TNRC6C: variants seen among roughly 807,000 people sequenced by gnomAD.
TNRC6C encodes trinucleotide repeat containing adaptor 6C.
TNRC6C carries 20 observed loss-of-function variants against 153.7 expected under a neutral mutation model. The ratio of observed to expected loss-of-function variants is 0.13; its 90% confidence interval spans 0.09 to 0.19. The LOEUF (loss-of-function observed/expected upper bound fraction) is 0.19. Among genes scored for constraint, TNRC6C ranks in the 10% least tolerant of loss-of-function variants. The pLI, the probability that TNRC6C is intolerant of heterozygous loss-of-function variation, is 1.00. For missense variants in TNRC6C, 1,987 were observed against 2,172.0 expected (o/e 0.91, Z 1.69); for synonymous variants, 811 against 841.4 (o/e 0.96, Z 0.63).
chr17:78,068,813 C>T (rs2072933182), intron 5 of TNRC6C, among the ~76,000 whole-genome samples: 1 of 152,074 alleles, frequency 6.6e-6, no homozygotes, highest in Non-Finnish European at 1.5e-5. Context: ...AAAAAAGACA[C>T]AAATGTGCGG....
chr17:78,095,747 CA>C (rs1752135887), intron 16 of TNRC6C, among the ~76,000 whole-genome samples: 2 of 152,068 alleles, frequency 1.3e-5, no homozygotes, highest in African/African-American at 2.4e-5. Context: ...AATTGCTAAC[CA>C]GAAAGCACTA....
intron 3 of TNRC6C, among the ~76,000 whole-genome samples, chr17:78,056,588 C>T (rs1344827092): frequency 6.6e-6 from 1 of 152,084 alleles, no homozygotes; most frequent in South Asian, 2.1e-4. Flanking sequence ...CTCAGCCTCC[C>T]GAGTAGCTAG....
Position 78,049,854 on chromosome 17 carries a change from G to A in TNRC6C, c.792G>A (p.Gly264=), listed in dbSNP as rs760889574. The A allele has an allele frequency of 6.2e-7, 1 of 1,613,886 alleles. No individual in the cohort carries two copies. Among genetic ancestry groups the A allele is most frequent in the South Asian group, 1.1e-5 (1 of 91,068 alleles). Reference sequence around the variant, plus strand: ...CTGCCACAGGAAATAGCAATTCTGGGTTCAGTCAGGGGAATGGAGACACTG... The same window carrying A: ...CTGCCACAGGAAATAGCAATTCTGGATTCAGTCAGGGGAATGGAGACACTG... Residue 264 remains glycine, a synonymous_variant, in exon 3 of 20, where the codon GGG becomes GGA. Transcript: ENST00000301624. This position sits in a 1 kb window ranked among gnomAD's most constrained non-coding sequence, Gnocchi z 4.1.
intron 4 of TNRC6C, among the ~76,000 whole-genome samples, chr17:78,065,623 T>G (rs1567947668): frequency 6.6e-6 from 1 of 152,206 alleles, no homozygotes; most frequent in Non-Finnish European, 1.5e-5. Flanking sequence ...GATTAGTTTT[T>G]GAAAATATGT....
intron 1 of TNRC6C, among the ~76,000 whole-genome samples, chr17:78,018,227 A>G (rs1159508273): frequency 6.6e-6 from 1 of 152,148 alleles, no homozygotes; most frequent in Non-Finnish European, 1.5e-5. Flanking sequence ...CCCGGGCTCA[A>G]GTGATTCTTC....
intron 16 of TNRC6C, among the ~76,000 whole-genome samples, chr17:78,097,194 C>T (rs1284723313): frequency 6.6e-6 from 1 of 152,124 alleles, no homozygotes; most frequent in African/African-American, 2.4e-5. Flanking sequence ...CACTGTGCTG[C>T]AGCCTGGGTG....
rs1409545991 is a variant in TNRC6C, at chr17:78,104,460, C to T, written c.4713-25C>T. The T allele has an allele frequency of 6.8e-7, 1 of 1,472,388 alleles. No individual in the cohort carries two copies. Among genetic ancestry groups the T allele is most frequent in the Non-Finnish European group, 9.0e-7 (1 of 1,108,366 alleles). The allele number at this position is 1,472,388 out of a possible 1,614,324, so 91.2% of individuals were successfully genotyped here. A position where few individuals can be genotyped will look rare whatever the true frequency, so the allele number is the denominator to read the frequency against. ...CAGCAGGACTTGGGGTGGCCCTGTT[C>T]ACGTGCCCCATCTTGCTGTTGCAGG... On this transcript the variant is annotated intron_variant, in intron 19 of 19. Transcript: ENST00000301624. This position sits in a 1 kb window ranked among gnomAD's most constrained non-coding sequence, Gnocchi z 6.2.
At chr17:78,000,159 T>G (rs17638994), upstream of TNRC6C, among the ~76,000 whole-genome samples, 4,656 of 152,304 alleles carry the variant, frequency 0.031, 92 homozygotes, top group South Asian at 0.056. Context: ...ATATGCTGGC[T>G]TACAGGCTTT....
intron 11 of TNRC6C, 144 bp from the exon 14 acceptor site, chr17:78,086,359 A>C (rs909535930): frequency 2.6e-5 from 9 of 349,404 alleles, no homozygotes; most frequent in Non-Finnish European, 4.7e-5. Context: ...AAAAAAAAAA[A>C]ACAGTATGTG....
chr17:78,036,597 T>G (rs956400539), intron 2 of TNRC6C, among the ~76,000 whole-genome samples: 23 of 152,124 alleles, frequency 1.5e-4, no homozygotes, highest in African/African-American at 5.3e-4. Flanking sequence ...TTATATACTG[T>G]TACAGTACAA....
chr17:78,097,694 T>C, intron 16 of TNRC6C, 51 bp from the exon 19 acceptor site: 1 of 1,360,768 alleles, frequency 7.3e-7, no homozygotes, highest in Non-Finnish European at 1.0e-6. Flanking sequence ...GTTAGAGTCA[T>C]GAACCCGGAC....
Position 78,104,852 on chromosome 17 carries a change from C to T in TNRC6C, c.*7C>T, listed in dbSNP as rs1247058747. On this transcript the variant is annotated 3_prime_UTR_variant, in exon 20 of 20. Coordinates refer to ENST00000301624, the Ensembl canonical transcript of TNRC6C. This position sits in a 1 kb window ranked among gnomAD's most constrained non-coding sequence, Gnocchi z 6.2. ...CAGCGGGGAGTCCCTGTAGGCTCTGCCATCATCAGCACCAGGAGAGCCGAC... is the reference window on the plus strand; with the variant it reads ...CAGCGGGGAGTCCCTGTAGGCTCTGTCATCATCAGCACCAGGAGAGCCGAC... The T allele has an allele frequency of 7.1e-7, 1 of 1,418,404 alleles. No individual in the cohort carries two copies. Among genetic ancestry groups the T allele is most frequent in the Non-Finnish European group, 9.2e-7 (1 of 1,090,148 alleles). The allele number at this position is 1,418,404 out of a possible 1,614,324, so 87.9% of individuals were successfully genotyped here. A position where few individuals can be genotyped will look rare whatever the true frequency, so the allele number is the denominator to read the frequency against.
At chr17:78,073,190 G>C (rs1257036818) in intron 7 of TNRC6C, 96 bp downstream of exon 9, 4 of 1,083,656 alleles carry the variant, frequency 3.7e-6, no homozygotes, top group Non-Finnish European at 5.4e-6. Flanking sequence ...TGGTTAATAT[G>C]TCCTGGGTAG....
chr17:77,980,322 C>G (rs746766541), intron 1 of TNRC6C, among the ~76,000 whole-genome samples: 9 of 152,124 alleles, frequency 5.9e-5, no homozygotes, highest in Non-Finnish European at 1.3e-4. Flanking sequence ...ACACAGAAAG[C>G]TGGAAGAGAG....
intron 6 of TNRC6C, among the ~76,000 whole-genome samples, chr17:78,071,760 C>T (rs779641367): frequency 3.9e-5 from 6 of 152,128 alleles, no homozygotes; most frequent in Non-Finnish European, 7.4e-5. Context: ...TATAATTAAA[C>T]GTGAATTTCA....
intron 2 of TNRC6C, among the ~76,000 whole-genome samples, chr17:78,047,483 A>C (rs746746351): frequency 2.0e-5 from 3 of 152,182 alleles, no homozygotes; most frequent in Admixed American, 1.3e-4. Context: ...TTACTCTTAA[A>C]TCAGGCAATA....
chr17:78,009,915 ACT>A (rs1161202229), intron 1 of TNRC6C, among the ~76,000 whole-genome samples: 1 of 148,568 alleles, frequency 6.7e-6, no homozygotes, highest in Non-Finnish European at 1.5e-5. Flanking sequence ...AGAGGGTCTA[ACT>A]CTGTTGCCCA....
At position 78,074,711 on chromosome 17, in the gene TNRC6C, C is replaced by T. The variant is rs1286890402; in HGVS notation, c.2918-425C>T. Among the ~76,000 whole-genome samples, 4 of 152,182 alleles carry T rather than the reference C, an allele frequency of 2.6e-5. No individual in the cohort carries two copies. In the East Asian group the frequency reaches 7.7e-4, roughly 29 times the overall value. On this transcript the variant is annotated intron_variant, in intron 7 of 19. Coordinates refer to ENST00000301624, the Ensembl canonical transcript of TNRC6C. ...GAAGTAGGAGAGGATCTTTTGCAGA[C>T]AGAATAATCGGGAAGGCCCCTGCAA...
intron 3 of TNRC6C, among the ~76,000 whole-genome samples, chr17:78,053,521 C>G (rs1461783474): frequency 6.6e-6 from 1 of 151,458 alleles, no homozygotes; most frequent in Non-Finnish European, 1.5e-5. Flanking sequence ...CCCAGCTACT[C>G]AGGAGGTGAA....
Sources: gnomAD v4.1 joint callset for allele counts (sites outside exome capture counted in the v4.1 genomes callset) on GRCh38, gnomAD v4.1.1 for gene constraint, Gnocchi (gnomAD v3.1) non-coding constraint, MANE v1.5 for transcripts, NCBI Gene and HGNC (gene_info 2026-07-23, HGNC 2026-07-21) for gene names.